Variants in ERBB4 observed in about 807,000 individuals in gnomAD.
The protein encoded by ERBB4 is receptor tyrosine-protein kinase erbB-4.
Under a neutral mutation model 158.0 loss-of-function variants are expected in ERBB4, and 42 were observed. The observed-to-expected ratio is 0.27, with a 90% CI of 0.21 to 0.34. The LOEUF is 0.34. Ranked by LOEUF, ERBB4 falls within the 10% of genes least tolerant of loss-of-function variation. The pLI is 1.00. For missense variants in ERBB4, 1,333 were observed against 1,624.1 expected, an observed-to-expected ratio of 0.82 and a Z score of 3.08; for synonymous variants, 583 against 558.7, an observed-to-expected ratio of 1.04 and a Z score of -0.61.
intron 1 of ERBB4, among the ~76,000 whole-genome samples, chr2:212,527,077 A>G (rs1692487722): frequency 6.6e-6 from 1 of 152,040 alleles, no homozygotes; most frequent in Admixed American, 6.6e-5. Flanking sequence ...CCTTAATAAT[A>G]TAGCTCTTGT....
At chr2:212,402,796 G>T (rs192875632) in intron 1 of ERBB4, among the ~76,000 whole-genome samples, 2 of 151,568 alleles carry the variant, frequency 1.3e-5, no homozygotes, top group East Asian at 3.9e-4. Context: ...TGTACAAAAA[G>T]AAATAAAAAC....
chr2:211,533,898 A>T (rs1022114017), intron 20 of ERBB4, among the ~76,000 whole-genome samples: 1 of 152,124 alleles, frequency 6.6e-6, no homozygotes, highest in Non-Finnish European at 1.5e-5. Flanking sequence ...CTAGTCAAAC[A>T]TCTTCATGCT....
intron 1 of ERBB4, among the ~76,000 whole-genome samples, chr2:212,431,306 TAA>T (rs35419362): frequency 0.023 from 2,022 of 86,834 alleles, 78 homozygotes; most frequent in African/African-American, 0.082. Context: ...CTGCTCATAT[TAA>T]AAAAAAAAAA....
chr2:211,443,236 A>G (rs1199188356), intron 20 of ERBB4, among the ~76,000 whole-genome samples: 1 of 152,160 alleles, frequency 6.6e-6, no homozygotes, highest in African/African-American at 2.4e-5. Context: ...AGGAAAAGGT[A>G]TAATAAATTT....
chr2:211,515,102 A>G (rs141180356), intron 20 of ERBB4, among the ~76,000 whole-genome samples: 240 of 152,274 alleles, frequency 1.6e-3, no homozygotes, highest in African/African-American at 5.6e-3. Context: ...CTGCAAAAGT[A>G]TGGAGGAGTT....
intron 25 of ERBB4, 131 bp downstream of exon 25, chr2:211,420,305 GGGTAT>G: frequency 1.5e-6 from 1 of 677,744 alleles, no homozygotes. Context: ...CATCTTTTGT[GGGTAT>G]GGTATATTTT....
intron 3 of ERBB4, among the ~76,000 whole-genome samples, chr2:211,801,895 T>TA (rs2076505390): frequency 6.6e-6 from 1 of 152,222 alleles, no homozygotes; most frequent in Non-Finnish European, 1.5e-5. Context: ...GCTCTGGTGA[T>TA]AATCTCTAGT....
chr2:211,824,012 T>A, intron 3 of ERBB4, among the ~76,000 whole-genome samples: 1 of 152,032 alleles, frequency 6.6e-6, no homozygotes, highest in East Asian at 1.9e-4. Context: ...TTGTGCAGAA[T>A]GGTGATTTAG....
intron 3 of ERBB4, among the ~76,000 whole-genome samples, chr2:211,846,320 T>C (rs1274328361): frequency 6.6e-6 from 1 of 152,128 alleles, no homozygotes; most frequent in African/African-American, 2.4e-5. Flanking sequence ...GCAATATGGA[T>C]CAAAAAATTT....
intron 1 of ERBB4, among the ~76,000 whole-genome samples, chr2:212,150,976 C>CA (rs1158841084): frequency 6.6e-6 from 1 of 152,074 alleles, no homozygotes; most frequent in Non-Finnish European, 1.5e-5. Flanking sequence ...CCTTCTCCAA[C>CA]AGAAATATTG....
intron 1 of ERBB4, among the ~76,000 whole-genome samples, chr2:212,292,035 G>A (rs914832478): frequency 6.6e-6 from 1 of 151,732 alleles, no homozygotes; most frequent in African/African-American, 2.4e-5. Flanking sequence ...AATGCCTTTG[G>A]TTGTAATTCT....
intron 1 of ERBB4, among the ~76,000 whole-genome samples, chr2:212,305,685 A>G (rs1454659729): frequency 2.0e-5 from 3 of 151,440 alleles, no homozygotes; most frequent in African/African-American, 7.3e-5. Flanking sequence ...ATGGATTAAA[A>G]TATCACCACA....
chr2:211,870,617 C>T (rs1260558175), intron 3 of ERBB4, among the ~76,000 whole-genome samples: 3 of 152,040 alleles, frequency 2.0e-5, no homozygotes. Context: ...AATATAACAA[C>T]CTTGGCATAA....
In ERBB4 at chr2:212,007,124, T is replaced by C. The variant is rs551531197; in HGVS notation, c.235-59508A>G. ...CAATATGCCAAACCTTATTTGGTTATATTATTTGTATTAAATAATTTAATC... is the reference window on the plus strand; with the variant it reads ...CAATATGCCAAACCTTATTTGGTTACATTATTTGTATTAAATAATTTAATC... On this transcript the variant is annotated intron_variant, in intron 2 of 27. Coordinates refer to ENST00000342788, the MANE Select transcript of ERBB4 (RefSeq NM_005235.3). Among the ~76,000 whole-genome samples, 107 of 152,150 alleles carry C rather than the reference T, an allele frequency of 7.0e-4. 1 individual carries two copies. Among genetic ancestry groups the C allele is most frequent in the African/African-American group, 2.5e-3 (104 of 41,564 alleles).
chr2:212,213,013 G>C (rs964728032), intron 1 of ERBB4, among the ~76,000 whole-genome samples: 2 of 152,052 alleles, frequency 1.3e-5, no homozygotes, highest in Admixed American at 6.6e-5. Flanking sequence ...CATGGGCAAA[G>C]ACTTCATGAC....
At position 211,973,304 on chromosome 2, in the gene ERBB4, C is replaced by T. The variant is rs369514718; in HGVS notation, c.235-25688G>A. Among the ~76,000 whole-genome samples the T allele has an allele frequency of 8.7e-4, 132 of 152,020 alleles. 3 individuals carry two copies. The South Asian group carries it at 0.024, about 28-fold the overall frequency. On this transcript the variant is annotated intron_variant, in intron 2 of 27. Coordinates refer to ENST00000342788, the MANE Select transcript of ERBB4 (RefSeq NM_005235.3). Reference sequence around the variant, plus strand: ...GCAAGCTCCGCCTCCCAGGTTCATGCCATTCTCCTGCCTCAGCCTCCCGAG... The same window carrying T: ...GCAAGCTCCGCCTCCCAGGTTCATGTCATTCTCCTGCCTCAGCCTCCCGAG...
chr2:212,228,364 A>G (rs148476740), intron 1 of ERBB4, among the ~76,000 whole-genome samples: 19 of 152,320 alleles, frequency 1.2e-4, no homozygotes, highest in African/African-American at 4.6e-4. Flanking sequence ...GCCTCCTCAG[A>G]GAACTCACCC....
chr2:211,770,502 T>C (rs1203675718), intron 4 of ERBB4, among the ~76,000 whole-genome samples: 1 of 152,222 alleles, frequency 6.6e-6, no homozygotes, highest in African/African-American at 2.4e-5. Context: ...ACCTTTCTCA[T>C]ATCAGTGACA....
intron 3 of ERBB4, among the ~76,000 whole-genome samples, chr2:211,866,159 G>C (rs2106097167): frequency 6.6e-6 from 1 of 152,300 alleles, no homozygotes; most frequent in East Asian, 1.9e-4. Flanking sequence ...GCTGGGGCAG[G>C]AGAATCGCCT....
Sources: gnomAD v4.1 joint callset for allele counts (sites outside exome capture counted in the v4.1 genomes callset) on GRCh38, gnomAD v4.1.1 for gene constraint, MANE v1.5 for transcripts, NCBI Gene and HGNC (gene_info 2026-07-23, HGNC 2026-07-21) for gene names.